The following STON2 variants were observed in gnomAD, a reference collection of about 807,000 sequenced individuals.
The protein encoded by STON2 is stonin 2.
STON2 carries 29 observed loss-of-function variants against 65.7 expected under a neutral mutation model. That is an observed-to-expected ratio of 0.44 (90% CI 0.33 to 0.60). The LOEUF (loss-of-function observed/expected upper bound fraction) is 0.60. Among genes scored for constraint, STON2 ranks in the 20% least tolerant of loss-of-function variants. The pLI is 0.03. For missense variants in STON2, 1,054 were observed against 1,118.1 expected, an observed-to-expected ratio of 0.94 and a Z score of 0.82; for synonymous variants, 404 against 414.2, an observed-to-expected ratio of 0.98 and a Z score of 0.30.
At chr14:81,314,873 G>A (rs1181037468) in intron 5 of STON2, among the ~76,000 whole-genome samples, 5 of 151,790 alleles carry the variant, frequency 3.3e-5, no homozygotes, top group African/African-American at 7.3e-5. Flanking sequence ...TTTTAGAGAC[G>A]GGGGTATTAC....
chr14:81,369,931 A>G (rs1376887545), intron 4 of STON2, among the ~76,000 whole-genome samples: 1 of 152,224 alleles, frequency 6.6e-6, no homozygotes. Flanking sequence ...AACCAGGATC[A>G]TCAGTCACAG....
intron 5 of STON2, among the ~76,000 whole-genome samples, chr14:81,309,549 T>C (rs1896342709): frequency 6.6e-6 from 1 of 152,232 alleles, no homozygotes; most frequent in African/African-American, 2.4e-5. Flanking sequence ...TCTAGTGCTC[T>C]GCAAATCTGA....
intron 4 of STON2, among the ~76,000 whole-genome samples, chr14:81,340,784 A>T (rs951701833): frequency 1.3e-5 from 2 of 152,116 alleles, no homozygotes; most frequent in African/African-American, 4.8e-5. Context: ...GAGTCACTGA[A>T]ATCTTGGGTT....
intron 4 of STON2, among the ~76,000 whole-genome samples, chr14:81,343,020 G>C (rs968709543): frequency 2.5e-4 from 38 of 152,182 alleles, no homozygotes; most frequent in African/African-American, 8.9e-4. Flanking sequence ...CCACATCTCA[G>C]GGAGGGTAGG....
intron 2 of STON2, among the ~76,000 whole-genome samples, chr14:81,410,394 G>T (rs996933278): frequency 6.7e-6 from 1 of 150,244 alleles, no homozygotes; most frequent in East Asian, 2.0e-4. Context: ...ATGTTATACT[G>T]CATGGCAAAA....
chr14:81,274,353 G>T (rs982299960), intron 6 of STON2, among the ~76,000 whole-genome samples: 12 of 152,074 alleles, frequency 7.9e-5, no homozygotes, highest in African/African-American at 2.9e-4. Context: ...TTCCACAAAC[G>T]AGGTTCCAGC....
chr14:81,268,063 G>A lies in STON2; in HGVS notation c.*351C>T, dbSNP rs189022546. On this transcript the variant is annotated 3_prime_UTR_variant, in exon 8 of 8. Coordinates refer to ENST00000614646, the MANE Select transcript of STON2 (RefSeq NM_001394390.1). ...GGCAATCGTGCTAACACTGATGTGG[G>A]AGGTTCTTTTCCTGACTGTAACAGT... The A allele has an allele frequency of 1.3e-5, 13 of 995,012 alleles. No individual in the cohort carries two copies. The highest frequency in any genetic ancestry group is 2.2e-4 in the East Asian group (2 of 9,184). 61.6% of individuals were successfully genotyped at this position (995,012 alleles called of 1,614,324 possible).
At chr14:81,416,565 A>G (rs529855845) in intron 2 of STON2, among the ~76,000 whole-genome samples, 2 of 152,336 alleles carry the variant, frequency 1.3e-5, no homozygotes, top group East Asian at 3.9e-4. Flanking sequence ...ATGCCCACGA[A>G]GAGTGTGTAC....
At chr14:81,297,430 A>G (rs536665185) in intron 5 of STON2, among the ~76,000 whole-genome samples, 2 of 152,314 alleles carry the variant, frequency 1.3e-5, no homozygotes, top group Non-Finnish European at 2.9e-5. Flanking sequence ...ACTCTGGTAT[A>G]CTGCAGCATT....
intron 3 of STON2, among the ~76,000 whole-genome samples, chr14:81,379,006 CTT>C (rs1278818754): frequency 1.3e-5 from 2 of 152,154 alleles, no homozygotes; most frequent in Non-Finnish European, 2.9e-5. Flanking sequence ...ATTATCCTCT[CTT>C]CTGTTCAACA....
At position 81,371,181 on chromosome 14, in the gene STON2, T is replaced by A; in HGVS notation, c.378A>T (p.Leu126=). ...ATGTCCAGCAGGGCATGGTCAATGG[T>A]AGGGCTGGGGAGAGACCAAAAACCA... is the stretch of plus-strand genomic sequence containing the variant. The part of the protein sequence containing the change: ...PPHQETAETA[L]PLTMPCWTCP... The change falls in exon 4 of 8, where the codon CTA becomes CTT. Residue 126 remains leucine (L), a synonymous_variant. Coordinates refer to ENST00000614646, the MANE Select transcript of STON2 (RefSeq NM_001394390.1). 6.2e-7 allele frequency: 1 copy of A among 1,614,066 alleles called. No individual in the cohort carries two copies. Among genetic ancestry groups the A allele is most frequent in the Non-Finnish European group, 8.5e-7 (1 of 1,179,974 alleles).
In STON2 at chr14:81,266,278, A is replaced by G. The variant is rs762396980; in HGVS notation, c.*2136T>C. 3.8e-5 allele frequency: 7 copies of G among 183,158 alleles called. No homozygotes were observed. Among genetic ancestry groups the G allele is most frequent in the Non-Finnish European group, 7.3e-5 (7 of 96,438 alleles). The allele number at this position is 183,158 out of a possible 1,614,324, so 11.3% of individuals were successfully genotyped here. ...TACTAACTTGAGTCTATTCCTCTTT[A>G]GAACAACTCTTATTAGACAATTCTT... On this transcript the variant is annotated 3_prime_UTR_variant, in exon 8 of 8. Coordinates refer to ENST00000614646, the MANE Select transcript of STON2 (RefSeq NM_001394390.1).
At chr14:81,281,365 G>C (rs558953096) in intron 5 of STON2, among the ~76,000 whole-genome samples, 12 of 152,316 alleles carry the variant, frequency 7.9e-5, no homozygotes, top group Admixed American at 3.3e-4. Flanking sequence ...TCCTTGGAAT[G>C]GTAATTGATC....
intron 4 of STON2, among the ~76,000 whole-genome samples, chr14:81,348,079 A>G (rs1266207940): frequency 6.6e-6 from 1 of 152,124 alleles, no homozygotes; most frequent in Non-Finnish European, 1.5e-5. Flanking sequence ...ACATTCCTTT[A>G]TGTTAAAAAC....
chr14:81,290,369 T>C (rs193043947), intron 5 of STON2, among the ~76,000 whole-genome samples: 256 of 152,358 alleles, frequency 1.7e-3, no homozygotes, highest in Middle Eastern at 6.8e-3. Flanking sequence ...TTGGGGATTC[T>C]GTAACGTTGG....
At chr14:81,402,381 T>G (rs1204213401), upstream of STON2, among the ~76,000 whole-genome samples, 1 of 152,206 alleles carries the variant, frequency 6.6e-6, no homozygotes, top group African/African-American at 2.4e-5. Flanking sequence ...AGCTGTCAAC[T>G]GCAGGGAGAT....
At chr14:81,327,414 C>T (rs1406601510) in intron 4 of STON2, among the ~76,000 whole-genome samples, 1 of 152,050 alleles carries the variant, frequency 6.6e-6, no homozygotes, top group African/African-American at 2.4e-5. Flanking sequence ...TATGATTTAA[C>T]ATGTTCCTCT....
At chr14:81,387,479 T>C (rs1469452083) in intron 3 of STON2, among the ~76,000 whole-genome samples, 2 of 152,194 alleles carry the variant, frequency 1.3e-5, no homozygotes, top group East Asian at 3.9e-4. Flanking sequence ...AGGGTTTTAA[T>C]GTTGAACATA....
chr14:81,332,244 C>T (rs1369539740), intron 4 of STON2, among the ~76,000 whole-genome samples: 2 of 152,310 alleles, frequency 1.3e-5, no homozygotes, highest in Middle Eastern at 3.4e-3. Flanking sequence ...TCACCCAACA[C>T]CATCTATTAG....
Sources: allele counts gnomAD v4.1 joint callset (sites outside exome capture counted in the v4.1 genomes callset), GRCh38; gene constraint gnomAD v4.1.1; transcripts MANE v1.5; gene names NCBI Gene and HGNC (gene_info 2026-07-23, HGNC 2026-07-21).